SPATA13: variants seen among roughly 807,000 people sequenced by gnomAD.
The protein encoded by SPATA13 is spermatogenesis associated 13, also known as spermatogenesis-associated protein 13.
SPATA13 carries 50 observed loss-of-function variants against 104.0 expected under a neutral mutation model. The ratio of observed to expected loss-of-function variants is 0.48; its 90% confidence interval spans 0.38 to 0.61. The LOEUF is 0.61. Among genes scored for constraint, SPATA13 ranks in the 20% least tolerant of loss-of-function variants. The probability of loss-of-function intolerance (pLI) is 0.00; values close to 1 mark genes in which losing one functional copy is unlikely to be tolerated. For missense variants in SPATA13, 1,524 were observed against 1,690.6 expected (o/e 0.90, Z 1.73); for synonymous variants, 606 against 667.5 (o/e 0.91, Z 1.42).
intron 3 of SPATA13, among the ~76,000 whole-genome samples, chr13:24,103,999 G>T (rs997047856): frequency 6.6e-6 from 1 of 152,184 alleles, no homozygotes; most frequent in African/African-American, 2.4e-5. Context: ...CACTTTCAAT[G>T]CTTACTTACT....
intron 3 of SPATA13, among the ~76,000 whole-genome samples, chr13:24,114,775 G>T (rs1257059681): frequency 3.3e-5 from 5 of 152,076 alleles, no homozygotes; most frequent in Non-Finnish European, 1.5e-5. Context: ...TGATTCTCTT[G>T]TCTCAGCCTC....
At chr13:24,249,354 A>T in intron 2 of SPATA13, 123 bp from the exon 3 acceptor site, 6 of 1,234,306 alleles carry the variant, frequency 4.9e-6, no homozygotes, top group Non-Finnish European at 6.6e-6. Flanking sequence ...TAACTGTTTT[A>T]ATAAACAAGT....
At chr13:23,998,749 A>G (rs756740482) in intron 2 of SPATA13, among the ~76,000 whole-genome samples, 48 of 152,162 alleles carry the variant, frequency 3.2e-4, no homozygotes, top group Non-Finnish European at 6.5e-4. Context: ...TAATTTTTAT[A>G]TGTGGCCTGA....
chr13:24,224,754 A>G, intron 2 of SPATA13, 172 bp downstream of exon 2: 2 of 704,518 alleles, frequency 2.8e-6, no homozygotes, highest in Non-Finnish European at 5.1e-6. Context: ...TACCAAGTTC[A>G]GAAGTAATCT....
intron 3 of SPATA13, among the ~76,000 whole-genome samples, chr13:24,077,262 C>CAAAAAA (rs60810328): frequency 2.3e-4 from 17 of 72,998 alleles, no homozygotes; most frequent in East Asian, 4.2e-4. Context: ...GACTCCATGT[C>CAAAAAA]AAAAAAAAAA....
At chr13:24,265,540 G>T (rs1219309760) in intron 4 of SPATA13, among the ~76,000 whole-genome samples, 2 of 152,236 alleles carry the variant, frequency 1.3e-5, no homozygotes, top group Non-Finnish European at 2.9e-5. Flanking sequence ...CGTCTCAGCT[G>T]TGGGAGATGG....
chr13:24,260,225 G>A (rs562437192), intron 4 of SPATA13, among the ~76,000 whole-genome samples: 2 of 152,316 alleles, frequency 1.3e-5, no homozygotes, highest in East Asian at 3.9e-4. Context: ...TAGGGATGAA[G>A]GGAGTTAGAT....
upstream of SPATA13, among the ~76,000 whole-genome samples, chr13:24,156,401 G>A (rs7982951): frequency 0.017 from 2,577 of 152,186 alleles, 90 homozygotes; most frequent in African/African-American, 0.058. Flanking sequence ...GGGAGGCACC[G>A]TAGATGGCAC....
At chr13:24,056,633 A>G (rs1266276486) in intron 3 of SPATA13, among the ~76,000 whole-genome samples, 1 of 152,194 alleles carries the variant, frequency 6.6e-6, no homozygotes, top group Admixed American at 6.5e-5. Flanking sequence ...GGGAATATAT[A>G]TGCATGGATA....
chr13:24,291,781 G>T (rs1876392799), intron 9 of SPATA13, among the ~76,000 whole-genome samples: 1 of 120,980 alleles, frequency 8.3e-6, no homozygotes, highest in Non-Finnish European at 1.8e-5. Context: ...ACGGAGTCTC[G>T]TTCTGTCGCC....
chr13:24,174,964 T>G (rs1883155851), intron 1 of SPATA13, among the ~76,000 whole-genome samples: 1 of 152,230 alleles, frequency 6.6e-6, no homozygotes, highest in Non-Finnish European at 1.5e-5. Flanking sequence ...GAGATTTTTT[T>G]GTTAACTTTC....
intron 12 of SPATA13, among the ~76,000 whole-genome samples, chr13:24,302,145 G>C (rs1877230335): frequency 6.6e-6 from 1 of 152,144 alleles, no homozygotes; most frequent in African/African-American, 2.4e-5. Context: ...TTCTTTCCCT[G>C]TCAAGTTGTT....
intron 3 of SPATA13, among the ~76,000 whole-genome samples, chr13:24,036,013 C>CAAA (rs56837096): frequency 8.9e-6 from 1 of 112,522 alleles, no homozygotes; most frequent in Admixed American, 8.6e-5. Context: ...GACCCTGTCT[C>CAAA]AAAAAAAAAA....
chr13:24,123,409 G>T (rs919018444), intron 3 of SPATA13: 157 of 1,292,444 alleles, frequency 1.2e-4, no homozygotes, highest in Non-Finnish European at 3.0e-5. Flanking sequence ...CTGCTGAAGA[G>T]GGGGAGTACA....
In SPATA13 at chr13:24,291,743, T is replaced by TTA. The variant is rs769365225; in HGVS notation, c.3080+860_3080+861insAT. Among the ~76,000 whole-genome samples, 234 of 74,762 alleles carry TTA rather than the reference T, an allele frequency of 3.1e-3. 3 individuals carry two copies. Among genetic ancestry groups the TTA allele is most frequent in the African/African-American group, 0.012 (224 of 18,554 alleles). 49.0% of individuals were successfully genotyped at this position (74,762 alleles called of 152,430 possible). A position where few individuals can be genotyped will look rare whatever the true frequency, so the allele number is the denominator to read the frequency against. On this transcript the variant is annotated intron_variant, in intron 9 of 12. Coordinates refer to ENST00000382108, the MANE Select transcript of SPATA13 (RefSeq NM_001166271.3). ...AATACACTCTCTCTCTGTCTTTATT[T>TTA]TTTTATTTTTTTATTTTTTTTTTTG...
At chr13:24,299,849 C>T (rs1401238395) in intron 11 of SPATA13, among the ~76,000 whole-genome samples, 1 of 152,208 alleles carries the variant, frequency 6.6e-6, no homozygotes, top group Non-Finnish European at 1.5e-5. Context: ...TCTTGTTTCA[C>T]CCAGTTCACA....
At position 24,204,655 on chromosome 13, in the gene SPATA13, A is replaced by C. The variant is rs370148919; in HGVS notation, c.-111-18164A>C. On this transcript the variant is annotated intron_variant, in intron 1 of 12. Coordinates refer to ENST00000382108, the MANE Select transcript of SPATA13 (RefSeq NM_001166271.3). ...TTACTGTTCTACTTTCTTTCTCTACAAATTTGACTTCTCTAGGTACTTCAA... is the reference window on the plus strand; with the variant it reads ...TTACTGTTCTACTTTCTTTCTCTACCAATTTGACTTCTCTAGGTACTTCAA... 5.9e-5 allele frequency among the ~76,000 whole-genome samples: 9 copies of C among 152,258 alleles called. No homozygotes were observed. The East Asian group carries it at 1.2e-3, about 20-fold the overall frequency.
At position 24,302,529 on chromosome 13, in the gene SPATA13, T is replaced by A. The variant is rs73455766; in HGVS notation, c.3659-69T>A. 9.0e-3 allele frequency: 11,332 copies of A among 1,257,146 alleles called. 366 individuals are homozygous for A. The highest frequency in any genetic ancestry group is 0.072 in the African/African-American group (4,766 of 65,836). 77.9% of individuals were successfully genotyped at this position (1,257,146 alleles called of 1,614,324 possible). Reference sequence around the variant, plus strand: ...CTTGGACTTGGAGTCTCAGCATTTTTATTTTTTTCCTTTCTGGTTAACAAG... The same window carrying A: ...CTTGGACTTGGAGTCTCAGCATTTTAATTTTTTTCCTTTCTGGTTAACAAG... On this transcript the variant is annotated intron_variant, in intron 12 of 12. Transcript: ENST00000382108.
At chr13:24,225,874 G>A (rs9511157) in intron 2 of SPATA13, among the ~76,000 whole-genome samples, 5,193 of 152,276 alleles carry the variant, frequency 0.034, 112 homozygotes, top group Middle Eastern at 0.085. Flanking sequence ...CCGGGAAAGT[G>A]TTACAGCTCC....
Sources: gnomAD v4.1 joint callset for allele counts (sites outside exome capture counted in the v4.1 genomes callset) on GRCh38, gnomAD v4.1.1 for gene constraint, MANE v1.5 for transcripts, NCBI Gene and HGNC (gene_info 2026-07-23, HGNC 2026-07-21) for gene names.